The following MTUS1 variants were observed in gnomAD, a reference collection of about 807,000 sequenced individuals.
MTUS1 encodes microtubule-associated tumor suppressor 1.
MTUS1 carries 109 observed loss-of-function variants against 120.8 expected under a neutral mutation model. The observed-to-expected ratio is 0.90, with a 90% CI of 0.77 to 1.06. The LOEUF (loss-of-function observed/expected upper bound fraction) is 1.06. MTUS1 is among the 50% of genes least tolerant of loss of function. The pLI is 0.00. For synonymous variants in MTUS1, 737 were observed against 550.5 expected (o/e 1.34, Z -4.74); for missense variants, 2,210 against 1,486.3 (o/e 1.49, Z -8.01).
chr8:17,737,542 G>A (rs1191343028), intron 3 of MTUS1, among the ~76,000 whole-genome samples: 3 of 152,172 alleles, frequency 2.0e-5, no homozygotes, highest in African/African-American at 7.2e-5. Flanking sequence ...AGCCTGAAGT[G>A]CAGTGGTACA....
chr8:17,675,675 A>G (rs942466533), intron 7 of MTUS1, among the ~76,000 whole-genome samples: 4 of 152,252 alleles, frequency 2.6e-5, no homozygotes, highest in Non-Finnish European at 4.4e-5. Flanking sequence ...ACTTTGTCCT[A>G]TATTTGCACA....
intron 8 of MTUS1, chr8:17,674,412 C>T: frequency 1.1e-6 from 1 of 951,220 alleles, no homozygotes; most frequent in Non-Finnish European, 1.3e-6. Flanking sequence ...GAGCAAGATT[C>T]CGTCTCAAAA....
intron 7 of MTUS1, among the ~76,000 whole-genome samples, chr8:17,680,330 G>C (rs2130721446): frequency 6.6e-6 from 1 of 152,018 alleles, no homozygotes; most frequent in African/African-American, 2.4e-5. Context: ...TGGGTATGGT[G>C]GTGGGCATCC....
chr8:17,751,092 G>A lies in MTUS1; in HGVS notation c.2091+2625C>T, dbSNP rs190546060. Among the ~76,000 whole-genome samples, 408 of 152,210 alleles carry A rather than the reference G, an allele frequency of 2.7e-3. 1 individual carries two copies. The highest frequency in any genetic ancestry group is 9.2e-3 in the African/African-American group (383 of 41,544). On this transcript the variant is annotated intron_variant, in intron 2 of 14. Transcript: ENST00000693296. ...AGCACTTTGGGAGGCCAATGTGGGC[G>A]GATCACTTGAGGTCAGGAGTTCGAG...
Position 17,688,199 on chromosome 8 carries a change from G to T in MTUS1, c.2624-3657C>A, listed in dbSNP as rs552481104. On this transcript the variant is annotated intron_variant, in intron 6 of 14. Coordinates refer to ENST00000693296, the MANE Select transcript of MTUS1 (RefSeq NM_001363059.2). ...TTGTCCACTTTTGTGTATACTCACT[G>T]ACCTACTCACTCACTCATGAAATAT... Among the ~76,000 whole-genome samples, 54 of 152,312 alleles carry T rather than the reference G, an allele frequency of 3.5e-4. 1 individual carries two copies. The South Asian group carries it at 5.2e-3, about 15-fold the overall frequency.
At chr8:17,779,207 T>C (rs987409449) in intron 1 of MTUS1, among the ~76,000 whole-genome samples, 1 of 152,316 alleles carries the variant, frequency 6.6e-6, no homozygotes, top group East Asian at 1.9e-4. Flanking sequence ...CTCAACTGTT[T>C]CAACATGTGA....
chr8:17,659,954 T>C (rs1809315951), intron 8 of MTUS1, among the ~76,000 whole-genome samples: 1 of 152,160 alleles, frequency 6.6e-6, no homozygotes, highest in South Asian at 2.1e-4. Flanking sequence ...ATTCAGTACC[T>C]CATATACCTG....
chr8:17,792,044 C>G (rs773091578), intron 1 of MTUS1, among the ~76,000 whole-genome samples: 19 of 152,140 alleles, frequency 1.2e-4, no homozygotes, highest in Non-Finnish European at 2.5e-4. Context: ...CAGACATGAA[C>G]CCAATTTTGC....
At chr8:17,674,149 G>C (rs6586626) in intron 8 of MTUS1, among the ~76,000 whole-genome samples, 152,229 of 152,236 alleles carry the variant, frequency 1, 76,111 homozygotes, top group Non-Finnish European at 1. Context: ...GTAGAAAAGG[G>C]AGTGTCGGCT....
chr8:17,759,253 A>C (rs912986250), intron 1 of MTUS1, among the ~76,000 whole-genome samples: 1 of 151,190 alleles, frequency 6.6e-6, no homozygotes, highest in African/African-American at 2.4e-5. Context: ...TGTTTTTACC[A>C]GTTGTCTTTT....
chr8:17,705,038 C>T (rs113033352), intron 6 of MTUS1, among the ~76,000 whole-genome samples: 6 of 152,214 alleles, frequency 3.9e-5, no homozygotes, highest in African/African-American at 9.6e-5. Context: ...GGCTGGAGTG[C>T]GGTGGTGCAA....
chr8:17,760,544 G>C (rs984462452), intron 1 of MTUS1, among the ~76,000 whole-genome samples: 1 of 152,056 alleles, frequency 6.6e-6, no homozygotes, highest in Admixed American at 6.6e-5. Context: ...CTTCGCTCAG[G>C]AGTTTGTCAA....
chr8:17,753,636 A>C (rs982533217), intron 2 of MTUS1, 81 bp downstream of exon 2: 5 of 924,884 alleles, frequency 5.4e-6, no homozygotes, highest in Non-Finnish European at 8.0e-6. Flanking sequence ...ATTATTGACT[A>C]ATAGATAACT....
At chr8:17,778,604 C>T (rs73569233) in intron 1 of MTUS1, among the ~76,000 whole-genome samples, 12,759 of 151,774 alleles carry the variant, frequency 0.084, 1,810 homozygotes, top group African/African-American at 0.29. Context: ...ATCCCTTGAG[C>T]CCAGGAGTTC....
intron 6 of MTUS1, chr8:17,692,176 G>C (rs1403573288): frequency 3.9e-5 from 6 of 152,108 alleles, no homozygotes; most frequent in Non-Finnish European, 5.9e-5. Flanking sequence ...TATTCCAATA[G>C]AGCTCTTATA....
At chr8:17,656,951 C>A (rs535372113) in intron 8 of MTUS1, among the ~76,000 whole-genome samples, 1 of 146,060 alleles carries the variant, frequency 6.8e-6, no homozygotes, top group Non-Finnish European at 1.5e-5. Flanking sequence ...CCCAGCTACT[C>A]GGGAAGTTGA....
chr8:17,738,480 G>A (rs1238185160), intron 3 of MTUS1, among the ~76,000 whole-genome samples: 2 of 152,104 alleles, frequency 1.3e-5, no homozygotes, highest in East Asian at 1.9e-4. Context: ...AGTGAAGGCG[G>A]GTCTCTCTAA....
chr8:17,770,999 T>C (rs932310450), intron 1 of MTUS1, among the ~76,000 whole-genome samples: 1 of 152,114 alleles, frequency 6.6e-6, no homozygotes, highest in Non-Finnish European at 1.5e-5. Context: ...AGAAAAAAAG[T>C]TTTAAAGGTA....
chr8:17,744,695 T>C (rs1452269045), intron 2 of MTUS1, among the ~76,000 whole-genome samples: 5 of 149,032 alleles, frequency 3.4e-5, no homozygotes, highest in Admixed American at 6.7e-5. Flanking sequence ...TTTTCTTTTT[T>C]TTTTTTTTTT....
Sources: gnomAD v4.1 joint callset for allele counts (sites outside exome capture counted in the v4.1 genomes callset) on GRCh38, gnomAD v4.1.1 for gene constraint, MANE v1.5 for transcripts, NCBI Gene and HGNC (gene_info 2026-07-23, HGNC 2026-07-21) for gene names.